Variants in UNC93B1 observed in about 807,000 individuals in gnomAD.
UNC93B1 encodes the protein unc-93B1 regulator of TLR signaling.
Under a neutral mutation model 56.8 loss-of-function variants are expected in UNC93B1, and 33 were observed. The ratio of observed to expected loss-of-function variants is 0.58; its 90% CI spans 0.44 to 0.78. UNC93B1 has a LOEUF of 0.78. Ranked by LOEUF, UNC93B1 falls within the 30% of genes least tolerant of loss-of-function variation. The probability of loss-of-function intolerance (pLI) is 0.00; values close to 1 mark genes in which losing one functional copy is unlikely to be tolerated. For synonymous variants in UNC93B1, 334 were observed against 358.6 expected (o/e 0.93, Z 0.77); for missense variants, 673 against 819.5 (o/e 0.82, Z 2.18).
chr11:67,991,903 C>T (rs2375175), intron 10 of UNC93B1, 46 bp from the exon 11 acceptor site: 19 of 1,519,672 alleles, frequency 1.3e-5, no homozygotes, highest in East Asian at 7.4e-5. Flanking sequence ...CCGCCTCGCC[C>T]CGCACCTTCC....
At position 68,003,014 on chromosome 11, in the gene UNC93B1, GC is replaced by G. The variant is rs762196953; in HGVS notation, c.392+7del. 1.9e-5 allele frequency: 30 copies of G among 1,605,300 alleles called. No homozygotes were observed. In the East Asian group the frequency reaches 3.6e-4, roughly 19 times the overall value. On this transcript the variant is annotated splice_region_variant and intron_variant, in intron 3 of 10. Transcript: ENST00000227471. This position sits in a 1 kb window ranked among gnomAD's most constrained non-coding sequence, Gnocchi z 4.4. ...ACCGCAGCATCCCACAGGAGCAGCC[GC>G]GCCCACCTGATGAGCACAGGTGTGT...
At chr11:68,002,934 C>T in intron 3 of UNC93B1, 88 bp downstream of exon 3, 2 of 1,464,214 alleles carry the variant, frequency 1.4e-6, no homozygotes, top group Middle Eastern at 2.2e-4. Context: ...ACAAACACCC[C>T]GGCAGATGGA....
At position 68,003,931 on chromosome 11, in the gene UNC93B1, T is replaced by G; in HGVS notation, c.96+17A>C. The G allele has an allele frequency of 7.3e-7, 1 of 1,369,006 alleles. No individual in the cohort carries two copies. The highest frequency in any genetic ancestry group is 9.5e-7 in the Non-Finnish European group (1 of 1,056,758). The allele number at this position is 1,369,006 out of a possible 1,614,324, so 84.8% of individuals were successfully genotyped here. A position where few individuals can be genotyped will look rare whatever the true frequency, so the allele number is the denominator to read the frequency against. On this transcript the variant is annotated intron_variant, in intron 1 of 10. Transcript: ENST00000227471. The surrounding 1 kb of genome is among the most constrained non-coding windows in gnomAD (Gnocchi z 4.4). ...CACAGGGGACGCCCGCGCCTCGCACTCCGGGTCCCCGCTCACCGGGGCCTC... is the reference window on the plus strand; with the variant it reads ...CACAGGGGACGCCCGCGCCTCGCACGCCGGGTCCCCGCTCACCGGGGCCTC...
chr11:68,002,224 G>T (rs1184971263), intron 3 of UNC93B1, among the ~76,000 whole-genome samples: 2 of 76,712 alleles, frequency 2.6e-5, no homozygotes, highest in Non-Finnish European at 5.7e-5. Context: ...ACACACACGG[G>T]CACGTCCACA....
intron 3 of UNC93B1, among the ~76,000 whole-genome samples, chr11:68,002,138 CAA>C (rs796980583): frequency 7.4e-6 from 1 of 135,180 alleles, no homozygotes. Flanking sequence ...GTATCTGTCT[CAA>C]AAAAAAAAAA....
intron 3 of UNC93B1, among the ~76,000 whole-genome samples, chr11:68,002,699 C>A (rs2134367186): frequency 6.6e-6 from 1 of 152,298 alleles, no homozygotes; most frequent in East Asian, 1.9e-4. Context: ...ACAGCCCCAA[C>A]CCTGAAGGCC....
chr11:68,003,204 G>A lies in UNC93B1; in HGVS notation c.239-29C>T. The A allele has an allele frequency of 6.3e-7, 1 of 1,597,384 alleles. No individual in the cohort carries two copies. The highest frequency in any genetic ancestry group is 1.1e-5 in the South Asian group (1 of 90,038). On this transcript the variant is annotated intron_variant, in intron 2 of 10. Transcript: ENST00000227471. This position sits in a 1 kb window ranked among gnomAD's most constrained non-coding sequence, Gnocchi z 4.4. ...GGGACAGGACAGAGAGCGGCGTGCA[G>A]GGAGCAGCCTAGCTTTGGGCGCCAC... is the stretch of plus-strand genomic sequence containing the variant.
chr11:68,003,259 G>C lies in UNC93B1; in HGVS notation c.239-84C>G. 3 of 1,403,418 alleles carry C rather than the reference G, an allele frequency of 2.1e-6. No individual in the cohort carries two copies. In the South Asian group the frequency reaches 4.4e-5, roughly 21 times the overall value. 86.9% of individuals were successfully genotyped at this position (1,403,418 alleles called of 1,614,324 possible). ...CAGAAGACGGCATGCAGGCCTCGCA[G>C]GGAGCTCCAATCACCGAAGGCATTC... On this transcript the variant is annotated intron_variant, in intron 2 of 10. Coordinates refer to ENST00000227471, the MANE Select transcript of UNC93B1 (RefSeq NM_030930.4). This position sits in a 1 kb window ranked among gnomAD's most constrained non-coding sequence, Gnocchi z 4.4.
chr11:67,992,638 C>T (rs942951832), intron 10 of UNC93B1, among the ~76,000 whole-genome samples: 8 of 151,252 alleles, frequency 5.3e-5, no homozygotes, highest in Non-Finnish European at 1.2e-4. Context: ...ATGCCCAGCC[C>T]ACTCACTGCT....
At position 68,003,694 on chromosome 11, in the gene UNC93B1, G is replaced by T; in HGVS notation, c.201C>A (p.Ala67=). Residue 67 remains alanine, a synonymous_variant, in exon 2 of 11, where the codon GCC becomes GCA. Coordinates refer to ENST00000227471, the MANE Select transcript of UNC93B1 (RefSeq NM_030930.4). This position sits in a 1 kb window ranked among gnomAD's most constrained non-coding sequence, Gnocchi z 4.4. ...RLGVLKNVLA[A]SAGGMLTYGV... is the part of the protein sequence containing the mutation. ...CGTAGGTGAGCATGCCCCCGGCGCT[G>T]GCAGCCAGCACGTTCTTGAGCACGC... is the stretch of plus-strand genomic sequence containing the variant. 1 of 1,530,440 alleles carries T rather than the reference G, an allele frequency of 6.5e-7. No homozygotes were observed. The highest frequency in any genetic ancestry group is 8.7e-7 in the Non-Finnish European group (1 of 1,143,696). The allele number at this position is 1,530,440 out of a possible 1,614,324, so 94.8% of individuals were successfully genotyped here. A position where few individuals can be genotyped will look rare whatever the true frequency, so the allele number is the denominator to read the frequency against.
In UNC93B1 at chr11:67,991,705, G is replaced by T. The variant is rs1197827039; in HGVS notation, c.1635C>A (p.Asp545Glu). ...KVRGYRYLEE[D>E]NSDESDAEGE... The stretch of plus-strand genomic sequence containing the variant: ...CCTCCGCGTCGCTCTCGTCCGAGTT[G>T]TCCTCCTCCAAGTAGCGGTAACCGC... The change falls in exon 11 of 11, where the codon GAC (aspartate) becomes GAA (glutamate). Residue 545 changes from aspartate to glutamate, a missense_variant. By Grantham distance (45) the Asp-to-Glu change is conservative. Around this residue, in one of 3 missense-constraint regions of UNC93B1, gnomAD observed 80 missense variants for 85.3 expected, o/e 0.94. Coordinates refer to ENST00000227471, the MANE Select transcript of UNC93B1 (RefSeq NM_030930.4). 42 of 1,534,638 alleles carry T rather than the reference G, an allele frequency of 2.7e-5. No homozygotes were observed. The Admixed American group carries it at 8.2e-4, about 30-fold the overall frequency.
Position 67,999,548 on chromosome 11 carries a change from A to G in UNC93B1, c.525T>C (p.Leu175=). ...TGATGTAGTTGCCCATGGAAGCCCA[A>G]AGAGGCACGATGGCCATGCCCAGGG... The part of the protein sequence containing the change: ...AVALGMAIVP[L]WASMGNYITR... The change falls in exon 4 of 11, where the codon CTT becomes CTC. Residue 175 remains leucine (L), a synonymous_variant. Coordinates refer to ENST00000227471, the MANE Select transcript of UNC93B1 (RefSeq NM_030930.4). 1 of 1,565,094 alleles carries G rather than the reference A, an allele frequency of 6.4e-7. No homozygotes were observed. The highest frequency in any genetic ancestry group is 8.7e-7 in the Non-Finnish European group (1 of 1,155,628).
chr11:68,001,837 T>C (rs952414661), intron 3 of UNC93B1, among the ~76,000 whole-genome samples: 2 of 152,022 alleles, frequency 1.3e-5, no homozygotes, highest in Admixed American at 6.6e-5. Flanking sequence ...GGCTAAGATA[T>C]GCTCAGTGAA....
At position 68,004,003 on chromosome 11, in the gene UNC93B1, G is replaced by C; in HGVS notation, c.41C>G (p.Ala14Gly). The C allele has an allele frequency of 7.1e-7, 1 of 1,401,238 alleles. No homozygotes were observed. The highest frequency in any genetic ancestry group is 9.3e-7 in the Non-Finnish European group (1 of 1,074,712). The allele number at this position is 1,401,238 out of a possible 1,614,324, so 86.8% of individuals were successfully genotyped here. Reference sequence around the variant, plus strand: ...CAGGTCCTCGTCGCCCTGCGGCCCCGCAGCCCCCGCCATCGGGTAGAGCGG... The same window carrying C: ...CAGGTCCTCGTCGCCCTGCGGCCCCCCAGCCCCCGCCATCGGGTAGAGCGG... ...EPPLYPMAGAAGPQGDEDLLG... is the reference protein window; with the variant it reads ...EPPLYPMAGAGGPQGDEDLLG... Residue 14 changes from alanine (A) to glycine (G), a missense_variant, in exon 1 of 11, where the codon GCG becomes GGG. Ala to Gly is a moderately conservative substitution (Grantham distance 60, BLOSUM62 0). Around this residue, in one of 3 missense-constraint regions of UNC93B1, gnomAD observed 438 missense variants for 465.9 expected, o/e 0.94. Coordinates refer to ENST00000227471, the MANE Select transcript of UNC93B1 (RefSeq NM_030930.4).
At position 67,999,559 on chromosome 11, in the gene UNC93B1, T is replaced by C; in HGVS notation, c.514A>G (p.Ile172Val). ...CCCATGGAAGCCCAAAGAGGCACGA[T>C]GGCCATGCCCAGGGCCACAGCCGAG... ...VPSAVALGMA[I>V]VPLWASMGNY... Residue 172 changes from isoleucine to valine, a missense_variant, in exon 4 of 11, where the codon ATC becomes GTC. Physicochemically the swap from Ile to Val is conservative, Grantham distance 29. Transcript: ENST00000227471. The C allele has an allele frequency of 1.9e-6, 3 of 1,574,590 alleles. No homozygotes were observed. Among genetic ancestry groups the C allele is most frequent in the East Asian group, 4.8e-5 (2 of 42,102 alleles).
chr11:67,991,459 G>C lies in UNC93B1; in HGVS notation c.*87C>G. ...AGACAGGGGCCTTTGAAGACAGCGCGGGACTCGGAGGGGGTCCCCCCGACC... is the reference window on the plus strand; with the variant it reads ...AGACAGGGGCCTTTGAAGACAGCGCCGGACTCGGAGGGGGTCCCCCCGACC... On this transcript the variant is annotated 3_prime_UTR_variant, in exon 11 of 11. Coordinates refer to ENST00000227471, the MANE Select transcript of UNC93B1 (RefSeq NM_030930.4). The C allele has an allele frequency of 1.5e-5, 19 of 1,272,740 alleles. No homozygotes were observed. Among genetic ancestry groups the C allele is most frequent in the Non-Finnish European group, 1.7e-5 (17 of 984,600 alleles). 78.8% of individuals were successfully genotyped at this position (1,272,740 alleles called of 1,614,324 possible). A position where few individuals can be genotyped will look rare whatever the true frequency, so the allele number is the denominator to read the frequency against.
chr11:67,998,116 G>A (rs1856980969), intron 6 of UNC93B1, among the ~76,000 whole-genome samples: 1 of 152,216 alleles, frequency 6.6e-6, no homozygotes, highest in Non-Finnish European at 1.5e-5. Context: ...CTGGCCCCAA[G>A]AAAGATCCCA....
intron 10 of UNC93B1, among the ~76,000 whole-genome samples, chr11:67,992,169 C>T (rs1227821249): frequency 6.6e-6 from 1 of 152,272 alleles, no homozygotes; most frequent in Admixed American, 6.5e-5. Flanking sequence ...GCCACAGGCC[C>T]TGCCTTCCCA....
intron 3 of UNC93B1, among the ~76,000 whole-genome samples, chr11:68,001,328 A>G (rs1780746495): frequency 6.6e-6 from 1 of 152,224 alleles, no homozygotes; most frequent in South Asian, 2.1e-4. Flanking sequence ...GGACCTAGTA[A>G]AGACATTGTT....
Sources: allele counts gnomAD v4.1 joint callset (sites outside exome capture counted in the v4.1 genomes callset), GRCh38; gene constraint gnomAD v4.1.1; regional missense constraint gnomAD v4.1.1; non-coding constraint Gnocchi (gnomAD v3.1); transcripts MANE v1.5; gene names NCBI Gene and HGNC (gene_info 2026-07-23, HGNC 2026-07-21).